SHTN1: variants seen among roughly 807,000 people sequenced by gnomAD.
SHTN1 encodes the protein shootin-1.
Under a neutral mutation model 83.1 loss-of-function variants are expected in SHTN1, and 42 were observed. That is an observed-to-expected ratio of 0.51 (90% confidence interval 0.39 to 0.65). The LOEUF is 0.65. SHTN1 is among the 30% of genes least tolerant of loss of function. The pLI, the probability that SHTN1 is intolerant of heterozygous loss-of-function variation, is 0.00. For missense variants in SHTN1, 622 were observed against 737.8 expected, an observed-to-expected ratio of 0.84 and a Z score of 1.82; for synonymous variants, 224 against 247.7, an observed-to-expected ratio of 0.90 and a Z score of 0.90.
intron 1 of SHTN1, among the ~76,000 whole-genome samples, chr10:117,066,221 C>T (rs2040876787): frequency 6.6e-6 from 1 of 152,156 alleles, no homozygotes; most frequent in South Asian, 2.1e-4. Context: ...GGGAAACAGG[C>T]TTGCAATTTT....
At chr10:117,043,205 C>T (rs7076770) in intron 2 of SHTN1, among the ~76,000 whole-genome samples, 35,335 of 151,656 alleles carry the variant, frequency 0.23, 4,829 homozygotes, top group East Asian at 0.44. Context: ...ACAATCTCAG[C>T]TCACTTCAAC....
rs551657754 is a variant in SHTN1, at chr10:116,902,289, C to T, written c.1481-332G>A. Among the ~76,000 whole-genome samples, 77 of 152,286 alleles carry T rather than the reference C, an allele frequency of 5.1e-4. 2 individuals carry two copies. Among genetic ancestry groups the T allele is most frequent in the South Asian group, 1.4e-3 (7 of 4,830 alleles). ...CTCATAGAGTATGGCTTTCTGACAG[C>T]CCTACTCGAACCATTTCGCCTCTCA... On this transcript the variant is annotated intron_variant, in intron 15 of 16. Coordinates refer to ENST00000355371, the MANE Select transcript of SHTN1 (RefSeq NM_001127211.3).
At chr10:116,886,673 T>A in intron 16 of SHTN1, 107 bp from the exon 17 acceptor site, 6 of 1,451,490 alleles carry the variant, frequency 4.1e-6, no homozygotes, top group Non-Finnish European at 5.6e-6. Flanking sequence ...GTTCTAAGTC[T>A]AATCAACATG....
chr10:116,993,795 C>G (rs1038817884), intron 1 of SHTN1, among the ~76,000 whole-genome samples: 1 of 152,064 alleles, frequency 6.6e-6, no homozygotes, highest in Non-Finnish European at 1.5e-5. Context: ...AAAGGTTTCG[C>G]AATCTCTTTG....
chr10:116,904,276 T>C (rs191735340), intron 15 of SHTN1, among the ~76,000 whole-genome samples: 3 of 152,318 alleles, frequency 2.0e-5, no homozygotes, highest in Admixed American at 6.5e-5. Flanking sequence ...TCTTGCTTAC[T>C]TTCCCCCCTG....
rs569291291 is a variant in SHTN1 at position 117,065,392 on chromosome 10, A to G, written c.-188-16882T>C. Among the ~76,000 whole-genome samples the G allele has an allele frequency of 4.6e-5, 7 of 152,178 alleles. No individual in the cohort carries two copies. The South Asian group carries it at 1.5e-3, about 32-fold the overall frequency. On this transcript the variant is annotated intron_variant, in intron 1 of 17. Coordinates refer to the SHTN1 transcript ENST00000392901. ...CAAACAGCTTCCACATCTCCCTAAG[A>G]AAAGAAATATTAGGCTGGGTGTGGT...
At chr10:117,057,276 A>AG (rs1852837228) in intron 1 of SHTN1, among the ~76,000 whole-genome samples, 1 of 152,196 alleles carries the variant, frequency 6.6e-6, no homozygotes, top group Non-Finnish European at 1.5e-5. Flanking sequence ...TTCAGCTATT[A>AG]GCTCAGCAGC....
Position 116,954,078 on chromosome 10 carries a change from T to C in SHTN1, c.400A>G (p.Thr134Ala), listed in dbSNP as rs748872589. 1 of 1,613,298 alleles carries C rather than the reference T, an allele frequency of 6.2e-7. No individual in the cohort carries two copies. The highest frequency in any genetic ancestry group is 8.5e-7 in the Non-Finnish European group (1 of 1,179,824). Residue 134 changes from threonine to alanine, a missense_variant, in exon 5 of 17, where the codon ACT (threonine) becomes GCT (alanine). Transcript: ENST00000355371. ...TTCTGACACTGTACTGAGACACAAG[T>C]CTCGGCGGCACCGTCTGTGTCTGTA... ...STTDTDGAAE[T>A]CVSVQCQKQI...
chr10:116,915,304 T>C, intron 13 of SHTN1, 71 bp downstream of exon 13: 1 of 859,176 alleles, frequency 1.2e-6, no homozygotes, highest in African/African-American at 1.7e-5. Context: ...GCAGCTTTCA[T>C]CAAATTTCAA....
chr10:117,057,585 G>A (rs12783960), intron 1 of SHTN1, among the ~76,000 whole-genome samples: 2,320 of 152,168 alleles, frequency 0.015, 33 homozygotes, highest in Middle Eastern at 0.041. Context: ...CCCTTTGGGA[G>A]CCAGGCATTT....
intron 14 of SHTN1, chr10:116,907,903 CCCTG>C (rs1285543296): frequency 1.9e-6 from 1 of 518,226 alleles, no homozygotes; most frequent in Non-Finnish European, 3.9e-6. Context: ...CCTGCTCCCT[CCCTG>C]CCTGCCAACT....
chr10:117,006,240 G>GTTTTTTTTTT (rs11434853), upstream of SHTN1, among the ~76,000 whole-genome samples: 1 of 147,244 alleles, frequency 6.8e-6, no homozygotes, highest in Non-Finnish European at 1.5e-5. Flanking sequence ...GTTTTTTTTT[G>GTTTTTTTTTT]TTTTTTTTTT....
chr10:117,056,792 TAGAG>T (rs1017774851), intron 1 of SHTN1, among the ~76,000 whole-genome samples: 21 of 151,984 alleles, frequency 1.4e-4, no homozygotes, highest in Non-Finnish European at 4.4e-5. Context: ...GCCTAGGCAA[TAGAG>T]AGAGATTCCT....
At chr10:116,899,576 C>G in intron 16 of SHTN1, among the ~76,000 whole-genome samples, 1 of 146,516 alleles carries the variant, frequency 6.8e-6, no homozygotes. Flanking sequence ...TATGTTGGGA[C>G]AGTAATGTCT....
chr10:116,907,915 A>C (rs371935447), intron 14 of SHTN1: 2 of 517,970 alleles, frequency 3.9e-6, no homozygotes, highest in African/African-American at 1.9e-5. Flanking sequence ...CTGCCTGCCA[A>C]CTACCTGAAG....
chr10:116,989,673 T>G (rs1851348907), intron 1 of SHTN1, among the ~76,000 whole-genome samples: 1 of 152,198 alleles, frequency 6.6e-6, no homozygotes, highest in Non-Finnish European at 1.5e-5. Context: ...CTTCCCACAT[T>G]TTCCCACCCT....
chr10:117,015,599 G>C (rs1165176042), intron 2 of SHTN1, among the ~76,000 whole-genome samples: 1 of 152,160 alleles, frequency 6.6e-6, no homozygotes, highest in Non-Finnish European at 1.5e-5. Context: ...CCAAAGTGCT[G>C]GGATTACAGG....
chr10:116,966,729 C>A (rs947508738), intron 3 of SHTN1, among the ~76,000 whole-genome samples: 6 of 152,150 alleles, frequency 3.9e-5, no homozygotes, highest in African/African-American at 9.7e-5. Context: ...ATTTTATAAA[C>A]CCTAGACCAA....
At chr10:117,083,092 T>A (rs1176513738) in intron 1 of SHTN1, among the ~76,000 whole-genome samples, 1 of 151,592 alleles carries the variant, frequency 6.6e-6, no homozygotes, top group Non-Finnish European at 1.5e-5. Flanking sequence ...TGTTAGCTGG[T>A]TATTTTGCTC....
Sources: gnomAD v4.1 joint callset for allele counts (sites outside exome capture counted in the v4.1 genomes callset) on GRCh38, gnomAD v4.1.1 for gene constraint, MANE v1.5 for transcripts, NCBI Gene and HGNC (gene_info 2026-07-23, HGNC 2026-07-21) for gene names.